The following PCDHGA12 variants were observed in gnomAD, a reference collection of about 807,000 sequenced individuals.
The protein encoded by PCDHGA12 is protocadherin gamma-A12.
A neutral mutation model predicts 61.1 loss-of-function variants in PCDHGA12; 43 were observed. The observed-to-expected ratio is 0.70, with a 90% confidence interval of 0.55 to 0.91. The LOEUF is 0.91. Among genes scored for constraint, PCDHGA12 ranks in the 40% least tolerant of loss-of-function variants. The probability of loss-of-function intolerance (pLI) is 0.00; values close to 1 mark genes in which losing one functional copy is unlikely to be tolerated. For synonymous variants in PCDHGA12, 520 were observed against 542.9 expected, an observed-to-expected ratio of 0.96 and a Z score of 0.59; for missense variants, 1,236 against 1,227.7, an observed-to-expected ratio of 1.01 and a Z score of -0.10.
chr5:141,486,578 C>A lies in PCDHGA12; in HGVS notation c.2425-8229C>A, dbSNP rs780578882. 5 of 1,613,610 alleles carry A rather than the reference C, an allele frequency of 3.1e-6. No homozygotes were observed. In the Admixed American group the frequency reaches 6.7e-5, roughly 22 times the overall value. On this transcript the variant is annotated intron_variant, in intron 1 of 3. Coordinates refer to ENST00000252085, the MANE Select transcript of PCDHGA12 (RefSeq NM_003735.3). The surrounding 1 kb of genome is among the most constrained non-coding windows in gnomAD (Gnocchi z 5.0). Reference sequence around the variant, plus strand: ...TGAGGTGTTTGTTCCTGAGAACAATCGCCCAGGGGACCTGCTTTGCTCCCT... The same window carrying A: ...TGAGGTGTTTGTTCCTGAGAACAATAGCCCAGGGGACCTGCTTTGCTCCCT...
chr5:141,469,704 C>T (rs1038504640), intron 1 of PCDHGA12, among the ~76,000 whole-genome samples: 9 of 152,340 alleles, frequency 5.9e-5, no homozygotes, highest in African/African-American at 1.9e-4. Flanking sequence ...ACCTAGTAAT[C>T]ACACTATTAG....
chr5:141,468,599 G>C (rs1055715232), intron 1 of PCDHGA12: 7 of 152,236 alleles, frequency 4.6e-5, no homozygotes, highest in African/African-American at 1.4e-4. Flanking sequence ...GGGCGCGGTG[G>C]CTCACGCCTG....
Position 141,489,391 on chromosome 5 carries a change from G to C in PCDHGA12, c.2425-5416G>C. 6.2e-7 allele frequency: 1 copy of C among 1,614,174 alleles called. No individual in the cohort carries two copies. The highest frequency in any genetic ancestry group is 8.5e-7 in the Non-Finnish European group (1 of 1,180,022). ...GACGCTGGTGGGGAATGTTGCTCAG[G>C]ATCTGGGCTTAAAGATGACAGATCT... On this transcript the variant is annotated intron_variant, in intron 1 of 3. Transcript: ENST00000252085. This position sits in a 1 kb window ranked among gnomAD's most constrained non-coding sequence, Gnocchi z 4.5.
intron 1 of PCDHGA12, among the ~76,000 whole-genome samples, chr5:141,444,758 T>C (rs1430492886): frequency 1.3e-5 from 2 of 152,262 alleles, no homozygotes; most frequent in East Asian, 3.8e-4. Flanking sequence ...TATGTAGTTC[T>C]ATTTCTATAT....
intron 1 of PCDHGA12, among the ~76,000 whole-genome samples, chr5:141,464,901 G>A (rs1562002452): frequency 6.6e-6 from 1 of 151,916 alleles, no homozygotes; most frequent in Non-Finnish European, 1.5e-5. Context: ...ACCATGTCCA[G>A]CTAATTTTTT....
Position 141,476,540 on chromosome 5 carries a change from T to C in PCDHGA12, c.2425-18267T>C, listed in dbSNP as rs148362631. On this transcript the variant is annotated intron_variant, in intron 1 of 3. Coordinates refer to ENST00000252085, the MANE Select transcript of PCDHGA12 (RefSeq NM_003735.3). The surrounding 1 kb of genome is among the most constrained non-coding windows in gnomAD (Gnocchi z 7.6). Reference sequence around the variant, plus strand: ...TGCTTTCCCTACCCAGGAAATGAAATTGGAGATTAGCGAGGCCGTGGCTCC... The same window carrying C: ...TGCTTTCCCTACCCAGGAAATGAAACTGGAGATTAGCGAGGCCGTGGCTCC... 9.4e-5 allele frequency: 151 copies of C among 1,614,122 alleles called. 1 individual carries two copies. In the African/African-American group the frequency reaches 1.3e-3, roughly 14 times the overall value.
At chr5:141,469,674 A>G (rs532726373) in intron 1 of PCDHGA12, among the ~76,000 whole-genome samples, 23 of 152,380 alleles carry the variant, frequency 1.5e-4, no homozygotes, top group Non-Finnish European at 2.2e-4. Flanking sequence ...TAATAAAACT[A>G]CATATGCATT....
At position 141,476,247 on chromosome 5, in the gene PCDHGA12, G is replaced by C. The variant is rs1439421662; in HGVS notation, c.2425-18560G>C. 1 of 1,614,042 alleles carries C rather than the reference G, an allele frequency of 6.2e-7. No individual in the cohort carries two copies. Among genetic ancestry groups the C allele is most frequent in the Non-Finnish European group, 8.5e-7 (1 of 1,180,010 alleles). ...GAGATCCCGGAGGAAAGAGAGAAGG[G>C]TTTCGCTGTGGGCAACGTGGTCGCG... On this transcript the variant is annotated intron_variant, in intron 1 of 3. Coordinates refer to ENST00000252085, the MANE Select transcript of PCDHGA12 (RefSeq NM_003735.3). The surrounding 1 kb of genome is among the most constrained non-coding windows in gnomAD (Gnocchi z 7.6).
In PCDHGA12 at chr5:141,476,351, G is replaced by A; in HGVS notation, c.2425-18456G>A. The A allele has an allele frequency of 1.2e-6, 2 of 1,614,182 alleles. No individual in the cohort carries two copies. The highest frequency in any genetic ancestry group is 1.7e-6 in the Non-Finnish European group (2 of 1,180,046). ...TGGAGCTAGCCGAAGATTCTTTGAG[G>A]TGAACCGGGAGACCGGAGAGATGTT... On this transcript the variant is annotated intron_variant, in intron 1 of 3. Coordinates refer to ENST00000252085, the MANE Select transcript of PCDHGA12 (RefSeq NM_003735.3). This position sits in a 1 kb window ranked among gnomAD's most constrained non-coding sequence, Gnocchi z 7.6.
At chr5:141,501,510 T>G (rs11744379) in intron 2 of PCDHGA12, among the ~76,000 whole-genome samples, 29,206 of 151,772 alleles carry the variant, frequency 0.19, 2,837 homozygotes, top group Middle Eastern at 0.24. Context: ...CTCCAAGGCC[T>G]CCAAGCTGAA....
At chr5:141,433,395 C>CTATA (rs1426636882) in intron 1 of PCDHGA12, among the ~76,000 whole-genome samples, 2 of 150,654 alleles carry the variant, frequency 1.3e-5, no homozygotes, top group African/African-American at 4.9e-5. Context: ...ATCTATCTAT[C>CTATA]TATCTATCTA....
Position 141,487,494 on chromosome 5 carries a change from C to A in PCDHGA12, c.2425-7313C>A, listed in dbSNP as rs116370895. On this transcript the variant is annotated intron_variant, in intron 1 of 3. Transcript: ENST00000252085. The surrounding 1 kb of genome is among the most constrained non-coding windows in gnomAD (Gnocchi z 5.0). The stretch of plus-strand genomic sequence containing the variant: ...GGAGGCCACTCTCATGGCTGTACAC[C>A]CTTGGCTTCTGCACCCACTCGGAGT... 1,421 of 1,614,120 alleles carry A rather than the reference C, an allele frequency of 8.8e-4. 3 individuals are homozygous for A. Among genetic ancestry groups the A allele is most frequent in the Non-Finnish European group, 1.2e-3 (1,358 of 1,180,034 alleles).
At chr5:141,454,409 T>G (rs1221091875) in intron 1 of PCDHGA12, among the ~76,000 whole-genome samples, 1 of 152,162 alleles carries the variant, frequency 6.6e-6, no homozygotes, top group Non-Finnish European at 1.5e-5. Flanking sequence ...TTATTCCTTT[T>G]TATTTATTTA....
In PCDHGA12 at chr5:141,433,091, A is replaced by G. The variant is rs1344906248; in HGVS notation, c.2332A>G (p.Met778Val). ...LIFPQPNYAD[M>V]LVSQESFEKS... ...CTTCCCCCAGCCCAACTATGCAGACATGCTCGTCAGCCAGGAGAGCTTTGA... is the reference window on the plus strand; with the variant it reads ...CTTCCCCCAGCCCAACTATGCAGACGTGCTCGTCAGCCAGGAGAGCTTTGA... Residue 778 changes from methionine to valine, a missense_variant, in exon 1 of 4, where the codon ATG (methionine) becomes GTG (valine). Transcript: ENST00000252085. 1.2e-6 allele frequency: 2 copies of G among 1,614,182 alleles called. No individual in the cohort carries two copies. The highest frequency in any genetic ancestry group is 1.3e-5 in the African/African-American group (1 of 75,050).
intron 1 of PCDHGA12, among the ~76,000 whole-genome samples, chr5:141,446,727 A>G (rs546345866): frequency 6.6e-6 from 1 of 152,258 alleles, no homozygotes; most frequent in African/African-American, 2.4e-5. Context: ...TCGGCCTCCC[A>G]AAGTGTGGGG....
intron 1 of PCDHGA12, among the ~76,000 whole-genome samples, chr5:141,459,461 G>A (rs1217201752): frequency 6.6e-6 from 1 of 152,214 alleles, no homozygotes; most frequent in Non-Finnish European, 1.5e-5. Flanking sequence ...GGACATTTGA[G>A]TTGTGTCCAG....
chr5:141,511,093 G>A lies in PCDHGA12; in HGVS notation c.2719G>A (p.Ala907Thr), dbSNP rs377350933. The change falls in exon 4 of 4, where the codon GCA (alanine) becomes ACA (threonine). Residue 907 changes from alanine to threonine, a missense_variant. Physicochemically the swap from Ala to Thr is moderately conservative, Grantham distance 58. Coordinates refer to ENST00000252085, the MANE Select transcript of PCDHGA12 (RefSeq NM_003735.3). Reference protein sequence around the residue: ...IPGSNATLTNAAGKRDGKAPA... With the variant: ...IPGSNATLTNTAGKRDGKAPA... ...AGGCAGCAATGCCACACTGACCAACGCAGCTGGCAAGCGGGATGGCAAGGC... is the reference window on the plus strand; with the variant it reads ...AGGCAGCAATGCCACACTGACCAACACAGCTGGCAAGCGGGATGGCAAGGC... 8 of 1,614,072 alleles carry A rather than the reference G, an allele frequency of 5.0e-6. No individual in the cohort carries two copies. Among genetic ancestry groups the A allele is most frequent in the African/African-American group, 4.0e-5 (3 of 74,916 alleles).
In PCDHGA12 at chr5:141,487,574, C is replaced by T. The variant is rs753979217; in HGVS notation, c.2425-7233C>T. ...TGCACCTATGGCAGGGGAGCCTGTTCGCCCAAGCTGCCCACCCTCTGATCT... is the reference window on the plus strand; with the variant it reads ...TGCACCTATGGCAGGGGAGCCTGTTTGCCCAAGCTGCCCACCCTCTGATCT... On this transcript the variant is annotated intron_variant, in intron 1 of 3. Transcript: ENST00000252085. This position sits in a 1 kb window ranked among gnomAD's most constrained non-coding sequence, Gnocchi z 5.0. 1.2e-5 allele frequency: 20 copies of T among 1,614,040 alleles called. 1 individual carries two copies. The highest frequency in any genetic ancestry group is 8.9e-5 in the East Asian group (4 of 44,870).
rs539719239 is a variant in PCDHGA12, at chr5:141,431,888, G to A, written c.1129G>A (p.Glu377Lys). The A allele has an allele frequency of 6.2e-7, 1 of 1,614,200 alleles. No homozygotes were observed. The highest frequency in any genetic ancestry group is 1.7e-5 in the Admixed American group (1 of 60,036). The change falls in exon 1 of 4, where the codon GAG (glutamate) becomes AAG (lysine). Residue 377 changes from glutamate to lysine, a missense_variant. Coordinates refer to ENST00000252085, the MANE Select transcript of PCDHGA12 (RefSeq NM_003735.3). The surrounding 1 kb of genome is among the most constrained non-coding windows in gnomAD (Gnocchi z 4.8). ...TTTAAATGTAAATGACCAAGATTCT[G>A]AGGAAAACGGACAGGTGATCTGTTT... is the stretch of plus-strand genomic sequence containing the variant. ...ALLNVNDQDS[E>K]ENGQVICFIQ... is the part of the protein sequence containing the mutation.
Sources: gnomAD v4.1 joint callset for allele counts (sites outside exome capture counted in the v4.1 genomes callset) on GRCh38, gnomAD v4.1.1 for gene constraint, Gnocchi (gnomAD v3.1) non-coding constraint, MANE v1.5 for transcripts, NCBI Gene and HGNC (gene_info 2026-07-23, HGNC 2026-07-21) for gene names.